EZH2: variants seen among roughly 807,000 people sequenced by gnomAD.
EZH2 encodes the protein histone-lysine N-methyltransferase EZH2.
In EZH2, 18 loss-of-function variants were observed where a neutral mutation model predicts 98.4. That is an observed-to-expected ratio of 0.18 (90% CI 0.13 to 0.27). EZH2 has a LOEUF of 0.27. Ranked by LOEUF, EZH2 falls within the 10% of genes least tolerant of loss-of-function variation. The pLI is 1.00. For synonymous variants in EZH2, 338 were observed against 312.3 expected, an observed-to-expected ratio of 1.08 and a Z score of -0.87; for missense variants, 470 against 935.1, an observed-to-expected ratio of 0.50 and a Z score of 6.49.
At chr7:148,810,538 C>T (rs899959401) in intron 16 of EZH2, 124 bp from the exon 17 acceptor site, 2 of 576,004 alleles carry the variant, frequency 3.5e-6, no homozygotes, top group East Asian at 2.7e-5. Context: ...AGGGTCACTA[C>T]AGCCAAGTTC....
chr7:148,807,832 A>C lies in EZH2; in HGVS notation c.2196-126T>G, dbSNP rs866614153. The C allele has an allele frequency of 9.7e-5, 64 of 659,122 alleles. 5 individuals are homozygous for C. The Middle Eastern group carries it at 3.2e-3, about 33-fold the overall frequency. 40.8% of individuals were successfully genotyped at this position (659,122 alleles called of 1,614,324 possible). A position where few individuals can be genotyped will look rare whatever the true frequency, so the allele number is the denominator to read the frequency against. On this transcript the variant is annotated intron_variant, in intron 19 of 19. Transcript: ENST00000320356. Reference sequence around the variant, plus strand: ...ATGTCTTTAAAAAAAAAAAAAAAAAAAAAACCCATCCAATTACACAGCTGC... The same window carrying C: ...ATGTCTTTAAAAAAAAAAAAAAAAACAAAACCCATCCAATTACACAGCTGC...
chr7:148,864,972 C>A (rs1157297332), intron 1 of EZH2, among the ~76,000 whole-genome samples: 3 of 151,912 alleles, frequency 2.0e-5, no homozygotes, highest in Non-Finnish European at 2.9e-5. Flanking sequence ...ACTAAAAATA[C>A]AAAAATTAGC....
chr7:148,823,584 G>C (rs1434807977), intron 8 of EZH2, among the ~76,000 whole-genome samples: 1 of 151,588 alleles, frequency 6.6e-6, no homozygotes, highest in Non-Finnish European at 1.5e-5. Flanking sequence ...AAGTGGAAGA[G>C]TGAGGTAAAA....
Position 148,842,050 on chromosome 7 carries a change from G to C in EZH2, c.246+4420C>G, listed in dbSNP as rs1375172907. 2.6e-5 allele frequency among the ~76,000 whole-genome samples: 4 copies of C among 152,132 alleles called. No individual in the cohort carries two copies. The East Asian group carries it at 7.7e-4, about 29-fold the overall frequency. On this transcript the variant is annotated intron_variant, in intron 3 of 19. Transcript: ENST00000320356. Reference sequence around the variant, plus strand: ...TCCCCTTCTGATGCTGCTTCTATTAGACATTCTGAAGCCCCAAGAATATAC... The same window carrying C: ...TCCCCTTCTGATGCTGCTTCTATTACACATTCTGAAGCCCCAAGAATATAC...
At chr7:148,873,459 G>A (rs7458365) in intron 1 of EZH2, among the ~76,000 whole-genome samples, 6 of 136,444 alleles carry the variant, frequency 4.4e-5, no homozygotes, top group South Asian at 2.3e-4. Flanking sequence ...GCCACTGCAC[G>A]CCAGCCTGGG....
At chr7:148,827,492 C>T (rs1003862964) in intron 6 of EZH2, among the ~76,000 whole-genome samples, 1 of 152,148 alleles carries the variant, frequency 6.6e-6, no homozygotes, top group Non-Finnish European at 1.5e-5. Flanking sequence ...CACTGGGAAG[C>T]AGAAAACCTA....
chr7:148,812,492 C>T (rs1467072764), intron 15 of EZH2, among the ~76,000 whole-genome samples: 1 of 152,200 alleles, frequency 6.6e-6, no homozygotes, highest in Admixed American at 6.5e-5. Flanking sequence ...TCTTACCACT[C>T]ACCTGTCATG....
At chr7:148,867,421 A>G (rs1458775584) in intron 1 of EZH2, among the ~76,000 whole-genome samples, 1 of 152,218 alleles carries the variant, frequency 6.6e-6, no homozygotes, top group African/African-American at 2.4e-5. Flanking sequence ...GTTTTACCGA[A>G]AGTTACCATC....
intron 3 of EZH2, among the ~76,000 whole-genome samples, chr7:148,835,637 T>C (rs2129479898): frequency 6.6e-6 from 1 of 152,160 alleles, no homozygotes; most frequent in Middle Eastern, 3.4e-3. Flanking sequence ...CAAAACAATT[T>C]TCATTTCTTA....
chr7:148,853,526 G>A (rs553853008), intron 1 of EZH2, among the ~76,000 whole-genome samples: 1 of 152,322 alleles, frequency 6.6e-6, no homozygotes, highest in African/African-American at 2.4e-5. Flanking sequence ...CAATCTGACA[G>A]GAGGCGGAGC....
At chr7:148,840,734 A>C (rs1241702019) in intron 3 of EZH2, among the ~76,000 whole-genome samples, 2 of 152,176 alleles carry the variant, frequency 1.3e-5, no homozygotes, top group Non-Finnish European at 2.9e-5. Context: ...AAATCTGCTA[A>C]GAGAAGGTAA....
intron 10 of EZH2, 36 bp downstream of exon 10, chr7:148,817,841 C>T (rs1440538800): frequency 6.2e-7 from 1 of 1,613,932 alleles, no homozygotes; most frequent in South Asian, 1.1e-5. Flanking sequence ...CGAACTTTCA[C>T]AGAACAGTAA....
rs944759975 is a variant in EZH2, at chr7:148,813,052, T to TACACACACGC, written c.1851+906_1851+907insGCGTGTGTGT. Among the ~76,000 whole-genome samples, 908 of 132,170 alleles carry TACACACACGC rather than the reference T, an allele frequency of 6.9e-3. 7 individuals carry two copies. The highest frequency in any genetic ancestry group is 0.015 in the South Asian group (63 of 4,208). 86.7% of individuals were successfully genotyped at this position (132,170 alleles called of 152,430 possible). A position where few individuals can be genotyped will look rare whatever the true frequency, so the allele number is the denominator to read the frequency against. On this transcript the variant is annotated intron_variant, in intron 15 of 19. Coordinates refer to ENST00000320356, the MANE Select transcript of EZH2 (RefSeq NM_004456.5). ...AGATATGTCTACTCTACACCCCACA[T>TACACACACGC]ACACACACACACACACACACACACA...
chr7:148,836,867 G>A (rs1415519000), intron 3 of EZH2: 1 of 509,356 alleles, frequency 2.0e-6, no homozygotes, highest in Non-Finnish European at 3.9e-6. Context: ...GGACCACTGG[G>A]AGCTGGAGAG....
intron 3 of EZH2, among the ~76,000 whole-genome samples, chr7:148,837,771 A>G (rs1393969949): frequency 6.6e-6 from 1 of 152,248 alleles, no homozygotes; most frequent in African/African-American, 2.4e-5. Context: ...AACCCCATTA[A>G]GATATTGACA....
At chr7:148,863,976 A>G (rs1818076826) in intron 1 of EZH2, among the ~76,000 whole-genome samples, 1 of 152,258 alleles carries the variant, frequency 6.6e-6, no homozygotes, top group Non-Finnish European at 1.5e-5. Flanking sequence ...TTCGCCTTCA[A>G]GAAGTCTCAT....
chr7:148,811,526 T>C (rs189372493), intron 16 of EZH2, 99 bp downstream of exon 16: 133 of 941,996 alleles, frequency 1.4e-4, no homozygotes, highest in Middle Eastern at 2.2e-4. Flanking sequence ...GGCAATTCAT[T>C]TCCAATCAAA....
At chr7:148,815,380 G>C (rs1046279583) in intron 13 of EZH2, 126 bp downstream of exon 13, 2 of 970,222 alleles carry the variant, frequency 2.1e-6, no homozygotes, top group Non-Finnish European at 3.3e-6. Flanking sequence ...CATTCAAATT[G>C]GTTTAACATA....
chr7:148,807,769 A>G, intron 19 of EZH2, 63 bp from the exon 20 acceptor site: 1 of 1,102,078 alleles, frequency 9.1e-7, no homozygotes, highest in Non-Finnish European at 1.3e-6. Flanking sequence ...CTGAGACTTA[A>G]CACAACAAAG....
Sources: allele counts gnomAD v4.1 joint callset (sites outside exome capture counted in the v4.1 genomes callset), GRCh38; gene constraint gnomAD v4.1.1; transcripts MANE v1.5; gene names NCBI Gene and HGNC (gene_info 2026-07-23, HGNC 2026-07-21).